Variants in PDE10A observed in about 807,000 individuals in gnomAD.
PDE10A encodes the protein cAMP and cAMP-inhibited cGMP 3',5'-cyclic phosphodiesterase 10A.
PDE10A carries 39 observed loss-of-function variants against 97.7 expected under a neutral mutation model. The ratio of observed to expected loss-of-function variants is 0.40; its 90% confidence interval spans 0.31 to 0.52. The LOEUF (loss-of-function observed/expected upper bound fraction) is 0.52, where lower values mean the gene tolerates loss of function less well. Ranked by LOEUF, PDE10A falls within the 20% of genes least tolerant of loss-of-function variation. The probability of loss-of-function intolerance (pLI) is 0.56; values close to 1 mark genes in which losing one functional copy is unlikely to be tolerated. For synonymous variants in PDE10A, 371 were observed against 376.8 expected, an observed-to-expected ratio of 0.98 and a Z score of 0.18; for missense variants, 731 against 1,047.8, an observed-to-expected ratio of 0.70 and a Z score of 4.17.
At chr6:165,427,619 C>A (rs1428920752) in intron 10 of PDE10A, among the ~76,000 whole-genome samples, 2 of 152,058 alleles carry the variant, frequency 1.3e-5, no homozygotes, top group East Asian at 1.9e-4. Context: ...GAATCGCACA[C>A]TTTAAATGGA....
intron 1 of PDE10A, among the ~76,000 whole-genome samples, chr6:165,586,542 G>A (rs529864504): frequency 4.6e-5 from 7 of 152,132 alleles, no homozygotes; most frequent in Admixed American, 1.3e-4. Flanking sequence ...ATATCAAAAG[G>A]CCTAAAAGAA....
At chr6:165,906,019 C>T (rs1189191983) in intron 1 of PDE10A, among the ~76,000 whole-genome samples, 5 of 23,670 alleles carry the variant, frequency 2.1e-4, no homozygotes, top group African/African-American at 2.2e-4. Context: ...TTCCTTCCCT[C>T]CCTCCCTTCC....
In PDE10A at chr6:165,950,849, C is replaced by T. The variant is rs148557513; in HGVS notation, c.-615+36680G>A. On this transcript the variant is annotated intron_variant, in intron 1 of 19. Transcript: ENST00000366882. ...CCAGGGCTACACACAACAAAAGTCA[C>T]GTGAAAAATTAATAAAGTAATGTAA... is the stretch of plus-strand genomic sequence containing the variant. Among the ~76,000 whole-genome samples, 130 of 152,228 alleles carry T rather than the reference C, an allele frequency of 8.5e-4. 1 individual carries two copies. Among genetic ancestry groups the T allele is most frequent in the African/African-American group, 3.0e-3 (124 of 41,524 alleles).
At chr6:165,793,374 A>G (rs1024663638) in intron 1 of PDE10A, among the ~76,000 whole-genome samples, 9 of 152,274 alleles carry the variant, frequency 5.9e-5, no homozygotes, top group African/African-American at 2.2e-4. Flanking sequence ...ATCAGAAAAA[A>G]AAATACATAA....
At chr6:165,529,791 G>A (rs1228373408) in intron 2 of PDE10A, among the ~76,000 whole-genome samples, 4 of 152,150 alleles carry the variant, frequency 2.6e-5, no homozygotes, top group African/African-American at 9.7e-5. Context: ...TATGTTAGGC[G>A]TAATTATGAC....
In PDE10A at chr6:165,655,354, C is replaced by T. The variant is rs1390680914; in HGVS notation, c.865+6593G>A. On this transcript the variant is annotated intron_variant, in intron 1 of 21. Transcript: ENST00000539869. This position sits in a 1 kb window ranked among gnomAD's most constrained non-coding sequence, Gnocchi z 4.5. Reference sequence around the variant, plus strand: ...TCTCAGGCTGAACACCACCAAACGCCACGCCTGATTCCTTGCGCACCCCAC... The same window carrying T: ...TCTCAGGCTGAACACCACCAAACGCTACGCCTGATTCCTTGCGCACCCCAC... 1.3e-5 allele frequency among the ~76,000 whole-genome samples: 2 copies of T among 152,136 alleles called. No individual in the cohort carries two copies. The highest frequency in any genetic ancestry group is 2.9e-5 in the Non-Finnish European group (2 of 68,024).
intron 1 of PDE10A, among the ~76,000 whole-genome samples, chr6:165,774,092 G>A (rs1035963863): frequency 2.6e-5 from 4 of 152,066 alleles, no homozygotes; most frequent in Non-Finnish European, 4.4e-5. Flanking sequence ...GTGATTAGAA[G>A]CCTTTCACAT....
intron 1 of PDE10A, among the ~76,000 whole-genome samples, chr6:165,901,700 G>T (rs529834980): frequency 1.3e-5 from 2 of 152,276 alleles, no homozygotes; most frequent in African/African-American, 4.8e-5. Context: ...TACTCGGGAG[G>T]CTGAGGCAGG....
chr6:165,837,879 G>T (rs1780111081), intron 1 of PDE10A, among the ~76,000 whole-genome samples: 1 of 151,980 alleles, frequency 6.6e-6, no homozygotes, highest in Admixed American at 6.5e-5. Context: ...TAGAGACAGG[G>T]TTTCACCGTG....
intron 14 of PDE10A, among the ~76,000 whole-genome samples, chr6:165,395,668 C>T (rs220791): frequency 0.25 from 38,137 of 151,976 alleles, 5,626 homozygotes; most frequent in African/African-American, 0.41. Context: ...AACAATTTCA[C>T]TAATATAAAC....
At chr6:165,664,332 G>A (rs1354482221), upstream of PDE10A, among the ~76,000 whole-genome samples, 1 of 152,076 alleles carries the variant, frequency 6.6e-6, no homozygotes, top group African/African-American at 2.4e-5. Flanking sequence ...ACTAGTCGAT[G>A]CTTTCCCCGA....
chr6:165,679,149 A>G (rs1018663495), intron 1 of PDE10A, among the ~76,000 whole-genome samples: 1 of 152,314 alleles, frequency 6.6e-6, no homozygotes, highest in Middle Eastern at 3.4e-3. Flanking sequence ...GGATCATCTC[A>G]GTTTATCTTC....
chr6:165,903,634 G>A (rs1346703604), intron 1 of PDE10A, among the ~76,000 whole-genome samples: 15 of 152,170 alleles, frequency 9.9e-5, no homozygotes, highest in South Asian at 6.2e-4. Context: ...GCTACTCATC[G>A]GAAGTTGGAA....
In PDE10A at chr6:165,919,471, C is replaced by T. The variant is rs542591086; in HGVS notation, c.-615+68058G>A. 2.5e-4 allele frequency among the ~76,000 whole-genome samples: 38 copies of T among 152,348 alleles called. 1 individual carries two copies. The highest frequency in any genetic ancestry group is 4.0e-4 in the Non-Finnish European group (27 of 68,030). On this transcript the variant is annotated intron_variant, in intron 1 of 19. Coordinates refer to the PDE10A transcript ENST00000366882. ...TTCTCCTATCAGCCCAATCTTTCCACTTTCTAGCCTGGAGTCAGCAAACTT... is the reference window on the plus strand; with the variant it reads ...TTCTCCTATCAGCCCAATCTTTCCATTTTCTAGCCTGGAGTCAGCAAACTT...
At chr6:165,369,623 G>T (rs1784079494) in intron 18 of PDE10A, among the ~76,000 whole-genome samples, 2 of 144,294 alleles carry the variant, frequency 1.4e-5, no homozygotes, top group South Asian at 2.2e-4. Context: ...GAAAGTGATG[G>T]GGAGAATGGA....
At position 165,930,790 on chromosome 6, in the gene PDE10A, G is replaced by C. The variant is rs188122943; in HGVS notation, c.-615+56739C>G. Reference sequence around the variant, plus strand: ...TTAATTGCCCATGTTAACGAGGGCCGAGGCTGTGAGGGCTGGAGCTGCGGG... The same window carrying C: ...TTAATTGCCCATGTTAACGAGGGCCCAGGCTGTGAGGGCTGGAGCTGCGGG... On this transcript the variant is annotated intron_variant, in intron 1 of 19. Coordinates refer to the PDE10A transcript ENST00000366882. Among the ~76,000 whole-genome samples, 311 of 152,318 alleles carry C rather than the reference G, an allele frequency of 2.0e-3. 5 individuals are homozygous for C. The highest frequency in any genetic ancestry group is 7.2e-3 in the African/African-American group (299 of 41,570).
chr6:165,477,396 T>C (rs1375017491), intron 3 of PDE10A, among the ~76,000 whole-genome samples: 7 of 152,168 alleles, frequency 4.6e-5, no homozygotes, highest in African/African-American at 1.4e-4. Context: ...CTGAGCACGG[T>C]GCCTGTGTTA....
chr6:165,725,387 G>A (rs918240364), intron 1 of PDE10A, among the ~76,000 whole-genome samples: 1 of 152,208 alleles, frequency 6.6e-6, no homozygotes, highest in Non-Finnish European at 1.5e-5. Context: ...CAACCCTAGA[G>A]GGTGCCATGG....
chr6:165,637,972 AG>A (rs1464164231), intron 1 of PDE10A, among the ~76,000 whole-genome samples: 1 of 152,138 alleles, frequency 6.6e-6, no homozygotes, highest in Non-Finnish European at 1.5e-5. Flanking sequence ...CATCTCCCAT[AG>A]GTTTTTATTC....
Sources: gnomAD v4.1 joint callset for allele counts (sites outside exome capture counted in the v4.1 genomes callset) on GRCh38, gnomAD v4.1.1 for gene constraint, Gnocchi (gnomAD v3.1) non-coding constraint, MANE v1.5 for transcripts, NCBI Gene and HGNC (gene_info 2026-07-23, HGNC 2026-07-21) for gene names.